The following KAZN variants were observed in gnomAD, a reference collection of about 807,000 sequenced individuals.
KAZN encodes kazrin.
Under a neutral mutation model 87.4 loss-of-function variants are expected in KAZN, and 40 were observed. The observed-to-expected ratio is 0.46, with a 90% CI of 0.36 to 0.60. The LOEUF (loss-of-function observed/expected upper bound fraction) is 0.60. KAZN is among the 20% of genes least tolerant of loss of function. KAZN has a pLI of 0.00. For missense variants in KAZN, 898 were observed against 1,073.9 expected (o/e 0.84, Z 2.29); for synonymous variants, 466 against 458.3 (o/e 1.02, Z -0.22).
chr1:14,271,466 A>C (rs1007261015), intron 2 of KAZN, among the ~76,000 whole-genome samples: 1 of 152,218 alleles, frequency 6.6e-6, no homozygotes, highest in Non-Finnish European at 1.5e-5. Flanking sequence ...TTTGCTAAAG[A>C]GTTGCAAGGT....
chr1:14,307,462 C>A (rs909571262), intron 2 of KAZN, among the ~76,000 whole-genome samples: 12 of 152,202 alleles, frequency 7.9e-5, no homozygotes, highest in African/African-American at 2.9e-4. Flanking sequence ...CATGTCTACA[C>A]CTATGCTACA....
intron 2 of KAZN, among the ~76,000 whole-genome samples, chr1:14,399,466 T>C (rs1461891742): frequency 2.6e-5 from 4 of 152,028 alleles, no homozygotes; most frequent in African/African-American, 4.8e-5. Context: ...TTGATAGTCA[T>C]TGGTAAAGGT....
chr1:14,368,158 G>C (rs560657549), intron 2 of KAZN, among the ~76,000 whole-genome samples: 48 of 152,178 alleles, frequency 3.2e-4, no homozygotes, highest in Middle Eastern at 3.4e-3. Flanking sequence ...CAATGTGTTT[G>C]TTGACTGCTA....
Position 14,278,926 on chromosome 1 carries a change from C to CTTTT in KAZN, c.249+98354_249+98357dup, listed in dbSNP as rs77998358. 8.1e-3 allele frequency among the ~76,000 whole-genome samples: 789 copies of CTTTT among 97,662 alleles called. 17 individuals are homozygous for CTTTT. The highest frequency in any genetic ancestry group is 0.011 in the African/African-American group (254 of 22,846). The allele number at this position is 97,662 out of a possible 152,430, so 64.1% of individuals were successfully genotyped here. A position where few individuals can be genotyped will look rare whatever the true frequency, so the allele number is the denominator to read the frequency against. On this transcript the variant is annotated intron_variant, in intron 2 of 16. Transcript: ENST00000636203. ...GACCAAGAAGCTTCATCAAATTCAG[C>CTTTT]TTTTTTTTTTTTTTTTTTTTTTTGG...
At position 14,366,525 on chromosome 1, in the gene KAZN, C is replaced by T. The variant is rs1275764343; in HGVS notation, c.249+185933C>T. Among the ~76,000 whole-genome samples the T allele has an allele frequency of 7.9e-5, 12 of 152,324 alleles. No individual in the cohort carries two copies. The South Asian group carries it at 2.3e-3, about 29-fold the overall frequency. On this transcript the variant is annotated intron_variant, in intron 2 of 16. Transcript: ENST00000636203. Reference sequence around the variant, plus strand: ...CACTGGAGCTAGCCAGCTGCTTCGGCGCCAGCAGGGGCAGACTCCATTCAC... The same window carrying T: ...CACTGGAGCTAGCCAGCTGCTTCGGTGCCAGCAGGGGCAGACTCCATTCAC...
intron 1 of KAZN, among the ~76,000 whole-genome samples, chr1:13,942,541 C>T (rs1238647384): frequency 8.8e-5 from 7 of 79,340 alleles, no homozygotes; most frequent in African/African-American, 2.7e-4. Flanking sequence ...AGCGAGACTC[C>T]GTCTCAAAAA....
At chr1:14,378,418 A>G (rs1338352638) in intron 2 of KAZN, among the ~76,000 whole-genome samples, 1 of 152,224 alleles carries the variant, frequency 6.6e-6, no homozygotes, top group East Asian at 1.9e-4. Flanking sequence ...CTTCATGAGA[A>G]CCAAAAATCA....
chr1:14,019,294 A>G lies in KAZN; in HGVS notation c.91+125538A>G, dbSNP rs560221819. The stretch of plus-strand genomic sequence containing the variant: ...ACCACACACTCAATTCCAATACCCT[A>G]TGATAAATCCCATGAGAAAGCTATA... On this transcript the variant is annotated intron_variant, in intron 1 of 16. Coordinates refer to the KAZN transcript ENST00000636203. 1.1e-4 allele frequency among the ~76,000 whole-genome samples: 16 copies of G among 152,290 alleles called. No homozygotes were observed. In the South Asian group the frequency reaches 2.3e-3, roughly 22 times the overall value.
chr1:14,960,700 A>T lies in KAZN; in HGVS notation c.243A>T (p.Glu81Asp). The T allele has an allele frequency of 6.4e-7, 1 of 1,570,216 alleles. No individual in the cohort carries two copies. Among genetic ancestry groups the T allele is most frequent in the South Asian group, 1.2e-5 (1 of 85,768 alleles). The change falls in exon 2 of 15, where the codon GAA becomes GAT. Residue 81 changes from glutamate to aspartate, a missense_variant. Glu to Asp is a conservative substitution (Grantham distance 45). Coordinates refer to ENST00000376030, the MANE Select transcript of KAZN (RefSeq NM_201628.3). ...CTCCCCTAGTGCTCCTGCGGGAAGA[A>T]GTGTCGCGGCTCCAGGAGGAAGTTC... ...QLGAQVLLRE[E>D]VSRLQEEVHL...
At chr1:14,682,101 A>G (rs1247701780) in intron 1 of KAZN, among the ~76,000 whole-genome samples, 1 of 151,996 alleles carries the variant, frequency 6.6e-6, no homozygotes, top group African/African-American at 2.4e-5. Context: ...AAGAGCAGCT[A>G]TCCCCATTAA....
At chr1:14,321,070 T>C (rs1401324170) in intron 2 of KAZN, among the ~76,000 whole-genome samples, 2 of 152,198 alleles carry the variant, frequency 1.3e-5, no homozygotes, top group Admixed American at 6.5e-5. Context: ...GTCACAAAAA[T>C]GTGCGGTAGC....
chr1:14,859,067 C>T (rs1043236262), intron 1 of KAZN, among the ~76,000 whole-genome samples: 1 of 151,984 alleles, frequency 6.6e-6, no homozygotes, highest in Non-Finnish European at 1.5e-5. Flanking sequence ...ATTAGCCGGG[C>T]GTGGTGGCGG....
intron 1 of KAZN, among the ~76,000 whole-genome samples, chr1:14,695,326 A>C (rs1641534306): frequency 6.6e-6 from 1 of 151,976 alleles, no homozygotes; most frequent in Admixed American, 6.6e-5. Flanking sequence ...CCTGCCTTAA[A>C]ATTGTCTCAG....
At chr1:15,005,736 T>G (rs4329506) in intron 2 of KAZN, among the ~76,000 whole-genome samples, 2 of 151,270 alleles carry the variant, frequency 1.3e-5, no homozygotes, top group African/African-American at 4.9e-5. Context: ...GGCAGGGAGG[T>G]GAGATCGTGC....
chr1:14,304,218 G>C (rs1654761898), intron 2 of KAZN, among the ~76,000 whole-genome samples: 1 of 152,208 alleles, frequency 6.6e-6, no homozygotes, highest in Non-Finnish European at 1.5e-5. Flanking sequence ...GAGCTGTCTG[G>C]CTGCAGTAGT....
At chr1:13,955,492 T>G (rs920138617) in intron 1 of KAZN, among the ~76,000 whole-genome samples, 4 of 152,146 alleles carry the variant, frequency 2.6e-5, no homozygotes, top group Non-Finnish European at 5.9e-5. Flanking sequence ...GATTGTGATT[T>G]TTGGGATTTT....
chr1:14,971,722 C>T (rs1242329187), intron 2 of KAZN, among the ~76,000 whole-genome samples: 2 of 140,772 alleles, frequency 1.4e-5, no homozygotes, highest in Non-Finnish European at 3.0e-5. Flanking sequence ...CGCTCTGTTG[C>T]CCAGGCTGGA....
chr1:14,044,447 T>G (rs113894780), intron 1 of KAZN, among the ~76,000 whole-genome samples: 16 of 152,274 alleles, frequency 1.1e-4, no homozygotes, highest in African/African-American at 3.9e-4. Flanking sequence ...ATGCTCTATA[T>G]TCTACTCTGT....
At chr1:14,317,225 G>C (rs1655710599) in intron 2 of KAZN, among the ~76,000 whole-genome samples, 1 of 151,720 alleles carries the variant, frequency 6.6e-6, no homozygotes, top group Non-Finnish European at 1.5e-5. Context: ...CTGTTATTTA[G>C]GGTTGTTATG....
Sources: allele counts gnomAD v4.1 joint callset (sites outside exome capture counted in the v4.1 genomes callset), GRCh38; gene constraint gnomAD v4.1.1; transcripts MANE v1.5; gene names NCBI Gene and HGNC (gene_info 2026-07-23, HGNC 2026-07-21).